Variants in SLC25A26 observed in about 807,000 individuals in gnomAD.
SLC25A26 encodes the protein solute carrier family 25 member 26, also known as mitochondrial S-adenosylmethionine carrier protein.
In SLC25A26, 36 loss-of-function variants were observed where a neutral mutation model predicts 37.8. The ratio of observed to expected loss-of-function variants is 0.95; its 90% CI spans 0.73 to 1.26. The LOEUF is 1.26. SLC25A26 is among the 50% of genes most tolerant of loss of function. The pLI is 0.00. For synonymous variants in SLC25A26, 129 were observed against 122.5 expected (o/e 1.05, Z -0.35); for missense variants, 390 against 331.1 (o/e 1.18, Z -1.38).
intron 1 of SLC25A26, among the ~76,000 whole-genome samples, chr3:66,142,517 G>A (rs1486054898): frequency 6.6e-6 from 1 of 152,130 alleles, no homozygotes; most frequent in Non-Finnish European, 1.5e-5. Context: ...ACTATACTCA[G>A]AGAAAAATGC....
chr3:66,165,252 G>A (rs1349313909), intron 1 of SLC25A26, among the ~76,000 whole-genome samples: 3 of 152,198 alleles, frequency 2.0e-5, no homozygotes, highest in Admixed American at 1.3e-4. Context: ...TCTAGCCCTA[G>A]GCAAGCTTTC....
chr3:66,259,142 G>T (rs915333064), intron 3 of SLC25A26, among the ~76,000 whole-genome samples: 2 of 152,140 alleles, frequency 1.3e-5, no homozygotes, highest in African/African-American at 2.4e-5. Context: ...CCCCCCACAC[G>T]TGAGAGTCGG....
chr3:66,179,435 A>T (rs1248875674), intron 1 of SLC25A26, among the ~76,000 whole-genome samples: 2 of 152,212 alleles, frequency 1.3e-5, no homozygotes, highest in Non-Finnish European at 2.9e-5. Context: ...TCAAATTCAT[A>T]AGGCAATGTA....
At chr3:66,263,940 G>C (rs1203409365) in intron 5 of SLC25A26, among the ~76,000 whole-genome samples, 1 of 152,034 alleles carries the variant, frequency 6.6e-6, no homozygotes, top group East Asian at 2.0e-4. Context: ...TTACAGGCGT[G>C]AGTCGCCGCG....
intron 1 of SLC25A26, among the ~76,000 whole-genome samples, chr3:66,208,620 T>C (rs1165572969): frequency 7.8e-6 from 1 of 127,764 alleles, no homozygotes; most frequent in African/African-American, 2.8e-5. Flanking sequence ...AAAAAGTATA[T>C]AGATATATAT....
chr3:66,196,301 T>C (rs1334639899), intron 1 of SLC25A26, among the ~76,000 whole-genome samples: 2 of 152,240 alleles, frequency 1.3e-5, no homozygotes, highest in Non-Finnish European at 2.9e-5. Context: ...TCGCAGCTTC[T>C]GTGCGTATCT....
chr3:66,263,837 T>C (rs1223709132), intron 5 of SLC25A26, among the ~76,000 whole-genome samples: 1 of 152,088 alleles, frequency 6.6e-6, no homozygotes, highest in East Asian at 1.9e-4. Flanking sequence ...TTTTTGTATT[T>C]TTAGTAGAGA....
chr3:66,138,107 T>A (rs2069975262), intron 1 of SLC25A26, among the ~76,000 whole-genome samples: 1 of 152,228 alleles, frequency 6.6e-6, no homozygotes, highest in Non-Finnish European at 1.5e-5. Context: ...GTGCTGGGAT[T>A]ACAGGCATGA....
At chr3:66,206,892 T>TTC (rs1559576362) in intron 1 of SLC25A26, among the ~76,000 whole-genome samples, 3 of 147,066 alleles carry the variant, frequency 2.0e-5, no homozygotes, top group African/African-American at 5.1e-5. Flanking sequence ...TTTTCTTTCT[T>TTC]TCTTTTTTTT....
chr3:66,233,207 T>A (rs1000293927), intron 1 of SLC25A26, among the ~76,000 whole-genome samples: 3 of 152,374 alleles, frequency 2.0e-5, no homozygotes, highest in African/African-American at 7.2e-5. Flanking sequence ...AGCATGTAAT[T>A]CTGACCTATA....
chr3:66,346,168 TCCTC>T (rs2076317761), intron 5 of SLC25A26, among the ~76,000 whole-genome samples, 192 bp from the exon 6 acceptor site: 2 of 152,100 alleles, frequency 1.3e-5, no homozygotes, highest in Non-Finnish European at 2.9e-5. Flanking sequence ...GAGCGAGACT[TCCTC>T]CCAACAAAAA....
chr3:66,199,125 T>TC lies in SLC25A26; in HGVS notation c.-353-21612dup, dbSNP rs1326795972. Among the ~76,000 whole-genome samples the TC allele has an allele frequency of 7.4e-4, 113 of 151,678 alleles. 2 individuals carry two copies. The highest frequency in any genetic ancestry group is 2.5e-3 in the African/African-American group (102 of 41,326). On this transcript the variant is annotated intron_variant, in intron 1 of 10. Coordinates refer to the SLC25A26 transcript ENST00000676754. ...GATGTCACCCTGACACTGTCTCTCA[T>TC]CCCCCAACCCTTGTACCTTACTTGA... is the stretch of plus-strand genomic sequence containing the variant.
At chr3:66,276,659 A>G (rs1307958775) in intron 5 of SLC25A26, among the ~76,000 whole-genome samples, 2 of 152,028 alleles carry the variant, frequency 1.3e-5, no homozygotes, top group East Asian at 1.9e-4. Context: ...GCTGCATCAT[A>G]TGTTCTGAGA....
At chr3:66,138,295 A>C (rs1485451235) in intron 1 of SLC25A26, among the ~76,000 whole-genome samples, 1 of 152,158 alleles carries the variant, frequency 6.6e-6, no homozygotes, top group Non-Finnish European at 1.5e-5. Flanking sequence ...GAAATATGCA[A>C]TGAAGGAAGA....
intron 2 of SLC25A26, among the ~76,000 whole-genome samples, chr3:66,242,651 A>G (rs2072635032): frequency 6.8e-6 from 1 of 148,112 alleles, no homozygotes; most frequent in Non-Finnish European, 1.5e-5. Context: ...TCATTGTGAT[A>G]GGGGTAGCTT....
chr3:66,314,548 G>A (rs1056550296), intron 5 of SLC25A26, among the ~76,000 whole-genome samples: 3 of 152,090 alleles, frequency 2.0e-5, no homozygotes, highest in Admixed American at 2.0e-4. Flanking sequence ...TTACATTGAT[G>A]TTCATCAGGG....
At chr3:66,277,049 A>G (rs1488386947) in intron 5 of SLC25A26, among the ~76,000 whole-genome samples, 3 of 151,658 alleles carry the variant, frequency 2.0e-5, no homozygotes, top group Non-Finnish European at 4.4e-5. Flanking sequence ...AATTTGTGTT[A>G]TCTTTTGATA....
intron 5 of SLC25A26, among the ~76,000 whole-genome samples, chr3:66,342,160 G>A (rs767946412): frequency 1.1e-4 from 17 of 151,836 alleles, no homozygotes; most frequent in Non-Finnish European, 2.4e-4. Context: ...AAATTGCAAT[G>A]GGCCAGTCCT....
intron 1 of SLC25A26, among the ~76,000 whole-genome samples, chr3:66,161,615 G>A (rs2070361137): frequency 6.6e-6 from 1 of 152,214 alleles, no homozygotes; most frequent in Admixed American, 6.5e-5. Flanking sequence ...CTAGGAAAAT[G>A]CGACTCCAAA....
Sources: allele counts gnomAD v4.1 joint callset (sites outside exome capture counted in the v4.1 genomes callset), GRCh38; gene constraint gnomAD v4.1.1; transcripts MANE v1.5; gene names NCBI Gene and HGNC (gene_info 2026-07-23, HGNC 2026-07-21).